The following S100PBP variants were observed in gnomAD, a reference collection of about 807,000 sequenced individuals.
S100PBP encodes the protein S100P-binding protein.
A neutral mutation model predicts 39.9 loss-of-function variants in S100PBP; 15 were observed. That is an observed-to-expected ratio of 0.38 (90% CI 0.25 to 0.58). The LOEUF (loss-of-function observed/expected upper bound fraction) is 0.58. Ranked by LOEUF, S100PBP falls within the 20% of genes least tolerant of loss-of-function variation. The probability of loss-of-function intolerance (pLI) is 0.70; values close to 1 mark genes in which losing one functional copy is unlikely to be tolerated. For synonymous variants in S100PBP, 178 were observed against 180.3 expected (o/e 0.99, Z 0.10); for missense variants, 504 against 487.3 (o/e 1.03, Z -0.32).
At chr1:32,855,877 T>G (rs1202322713) in intron 6 of S100PBP, 47 bp from the exon 7 acceptor site, 1 of 1,282,480 alleles carries the variant, frequency 7.8e-7, no homozygotes, top group Non-Finnish European at 1.1e-6. Context: ...CAAATAGCCA[T>G]TCTAGTTGAA....
chr1:32,826,374 T>G lies in S100PBP; in HGVS notation c.275T>G (p.Leu92Arg). 6.2e-7 allele frequency: 1 copy of G among 1,614,158 alleles called. No homozygotes were observed. The highest frequency in any genetic ancestry group is 1.1e-5 in the South Asian group (1 of 91,084). ...EKGERGSQIL[L>R]DTPREKNSSY... ...GGAGAAAGAGGGAGTCAAATTCTAC[T>G]TGATACTCCCCGAGAGAAAAATTCA... Residue 92 changes from leucine to arginine, a missense_variant, in exon 3 of 7, where the codon CTT (leucine) becomes CGT (arginine). By Grantham distance (102) the Leu-to-Arg change is moderately radical. Coordinates refer to ENST00000373475, the MANE Select transcript of S100PBP (RefSeq NM_022753.4).
At chr1:32,848,799 T>C (rs375059178) in intron 5 of S100PBP, among the ~76,000 whole-genome samples, 4 of 152,234 alleles carry the variant, frequency 2.6e-5, no homozygotes, top group African/African-American at 9.6e-5. Flanking sequence ...ATTTATAGAT[T>C]AAGATTTAGA....
intron 1 of S100PBP, among the ~76,000 whole-genome samples, chr1:32,821,324 TTTG>T (rs1639049167): frequency 6.6e-6 from 1 of 152,118 alleles, no homozygotes; most frequent in South Asian, 2.1e-4. Flanking sequence ...TTGTGGCTTT[TTTG>T]TTGTTGTTTT....
At chr1:32,841,961 G>A (rs1640116004) in intron 5 of S100PBP, among the ~76,000 whole-genome samples, 1 of 151,158 alleles carries the variant, frequency 6.6e-6, no homozygotes, top group Non-Finnish European at 1.5e-5. Context: ...CAGGTGGGAA[G>A]ATTGCTTGAG....
In S100PBP at chr1:32,853,047, T is replaced by C. The variant is rs747816282; in HGVS notation, c.1025-32T>C. The C allele has an allele frequency of 6.0e-6, 9 of 1,491,124 alleles. No homozygotes were observed. The South Asian group carries it at 1.0e-4, about 17-fold the overall frequency. 92.4% of individuals were successfully genotyped at this position (1,491,124 alleles called of 1,614,324 possible). A position where few individuals can be genotyped will look rare whatever the true frequency, so the allele number is the denominator to read the frequency against. On this transcript the variant is annotated intron_variant, in intron 5 of 6. Transcript: ENST00000373475. The stretch of plus-strand genomic sequence containing the variant: ...CGTTGGCTGACGTAGTTCACTCAGC[T>C]GTTCCTAACCACTGATCCCTCTGTA...
At chr1:32,853,469 TAA>T (rs559533644) in intron 6 of S100PBP, among the ~76,000 whole-genome samples, 6 of 88,102 alleles carry the variant, frequency 6.8e-5, no homozygotes, top group Admixed American at 1.5e-4. Context: ...AGACTCCGTC[TAA>T]AAAAAAAAAA....
intron 5 of S100PBP, among the ~76,000 whole-genome samples, chr1:32,833,796 T>C (rs1639704700): frequency 6.6e-6 from 1 of 152,202 alleles, no homozygotes; most frequent in Non-Finnish European, 1.5e-5. Context: ...TCCTGTAAGG[T>C]AGAATATATA....
Position 32,856,182 on chromosome 1 carries a change from G to A in S100PBP, c.*144G>A. The stretch of plus-strand genomic sequence containing the variant: ...TTATTTAAAAAACTCGTCACCTTTT[G>A]GAAATGCCCATTGCCGACTTGAATT... On this transcript the variant is annotated 3_prime_UTR_variant, in exon 7 of 7. Coordinates refer to ENST00000373475, the MANE Select transcript of S100PBP (RefSeq NM_022753.4). 1 of 515,918 alleles carries A rather than the reference G, an allele frequency of 1.9e-6. No homozygotes were observed. The highest frequency in any genetic ancestry group is 1.9e-5 in the African/African-American group (1 of 51,450). 32.0% of individuals were successfully genotyped at this position (515,918 alleles called of 1,614,324 possible).
At chr1:32,817,348 T>G, upstream of S100PBP, 17 of 1,467,260 alleles carry the variant, frequency 1.2e-5, no homozygotes, top group Non-Finnish European at 1.6e-5. Context: ...TCCAGCCAGG[T>G]TGCATCAGCT....
chr1:32,849,842 A>AT (rs996625631), intron 5 of S100PBP, among the ~76,000 whole-genome samples: 3 of 152,348 alleles, frequency 2.0e-5, no homozygotes, highest in African/African-American at 7.2e-5. Context: ...CTTTGGGCAA[A>AT]TTAGTTAACT....
intron 5 of S100PBP, among the ~76,000 whole-genome samples, chr1:32,837,791 T>G (rs890238436): frequency 1.3e-5 from 2 of 152,004 alleles, no homozygotes; most frequent in Non-Finnish European, 2.9e-5. Flanking sequence ...AAGATAATTA[T>G]TTTGAAATTC....
Position 32,853,115 on chromosome 1 carries a change from TTCA to T in S100PBP, c.1066_1068del (p.His356del). ...GAGCTTTGTGCCTTGATGGATCAAG[TTCA>T]TCATATGCAGCACTCAAAATGGCAG... is the stretch of plus-strand genomic sequence containing the variant. On this transcript the variant is annotated inframe_deletion, in exon 6 of 7. Coordinates refer to ENST00000373475, the MANE Select transcript of S100PBP (RefSeq NM_022753.4). 1 of 1,613,482 alleles carries T rather than the reference TTCA, an allele frequency of 6.2e-7. No homozygotes were observed. The highest frequency in any genetic ancestry group is 2.2e-5 in the East Asian group (1 of 44,878).
At chr1:32,838,716 G>T (rs555210166) in intron 5 of S100PBP, among the ~76,000 whole-genome samples, 1 of 151,952 alleles carries the variant, frequency 6.6e-6, no homozygotes, top group African/African-American at 2.4e-5. Flanking sequence ...GGTGGCAGGT[G>T]CCTGCAATCC....
intron 5 of S100PBP, among the ~76,000 whole-genome samples, chr1:32,834,617 G>A (rs1639737812): frequency 6.6e-6 from 1 of 152,186 alleles, no homozygotes; most frequent in African/African-American, 2.4e-5. Context: ...GACACTTAAT[G>A]ACAGGTTGTT....
At chr1:32,834,109 C>T (rs1002115147) in intron 5 of S100PBP, 6 of 222,878 alleles carry the variant, frequency 2.7e-5, no homozygotes, top group African/African-American at 9.5e-5. Context: ...ACCAGATGGT[C>T]CTGCCCCAAA....
chr1:32,827,067 A>G, intron 3 of S100PBP, 137 bp downstream of exon 3: 2 of 618,346 alleles, frequency 3.2e-6, no homozygotes, highest in Non-Finnish European at 5.5e-6. Flanking sequence ...ACAGTGGTAC[A>G]TTTGTTATAA....
intron 5 of S100PBP, among the ~76,000 whole-genome samples, chr1:32,840,969 G>A (rs1307350949): frequency 6.6e-6 from 1 of 151,534 alleles, no homozygotes; most frequent in African/African-American, 2.4e-5. Flanking sequence ...GGCCGTCCTG[G>A]CTAACACGGT....
At chr1:32,853,506 C>G in intron 6 of S100PBP, among the ~76,000 whole-genome samples, 1 of 137,442 alleles carries the variant, frequency 7.3e-6, no homozygotes, top group African/African-American at 2.7e-5. Context: ...GGGGGGGGCG[C>G]GTGAAATTTG....
chr1:32,841,766 C>G (rs1042421423), intron 5 of S100PBP, among the ~76,000 whole-genome samples: 1 of 146,514 alleles, frequency 6.8e-6, no homozygotes, highest in East Asian at 2.0e-4. Flanking sequence ...ACGGATTATG[C>G]TTTCATGTGG....
Sources: allele counts gnomAD v4.1 joint callset (sites outside exome capture counted in the v4.1 genomes callset), GRCh38; gene constraint gnomAD v4.1.1; transcripts MANE v1.5; gene names NCBI Gene and HGNC (gene_info 2026-07-23, HGNC 2026-07-21).